Variants in GPR101 observed in about 807,000 individuals in gnomAD.
The protein encoded by GPR101 is probable G protein-coupled receptor 101.
Under a neutral mutation model 16.4 loss-of-function variants are expected in GPR101, and 8 were observed. That is an observed-to-expected ratio of 0.49 (90% CI 0.29 to 0.88). The LOEUF (loss-of-function observed/expected upper bound fraction) is 0.88. Ranked by LOEUF, GPR101 falls within the 40% of genes least tolerant of loss-of-function variation. The pLI is 0.09. For synonymous variants in GPR101, 155 were observed against 168.7 expected (o/e 0.92, Z 0.63); for missense variants, 375 against 411.7 (o/e 0.91, Z 0.77).
rs755970525 is a variant in GPR101 at position 137,030,689 on chromosome X, T to G, written c.986A>C (p.Glu329Ala). 1 of 1,211,527 alleles carries G rather than the reference T, an allele frequency of 8.3e-7. No individual in the cohort carries two copies. The highest frequency in any genetic ancestry group is 1.7e-5 in the African/African-American group (1 of 57,743). ...ACCCTTGTCTGCCTTCATGCTGTTC[T>G]CCTCAACTTTGGTGCTGCCTTCCTT... ...EGKEGSTKVE[E>A]NSMKADKGRT... Residue 329 changes from glutamate to alanine, a missense_variant, in exon 2 of 2, where the codon GAG becomes GCG. Glu to Ala is a moderately radical substitution (Grantham distance 107). Transcript: ENST00000651716.
rs1927260650 is a variant in GPR101 at position 137,031,324 on chromosome X, G to C, written c.351C>G (p.Ala117=). Reference sequence around the variant, plus strand: ...ACACCACGACAATGGTGTTGACGCTGGCGAAGGCGAACAGGTGGGTGAGGC... The same window carrying C: ...ACACCACGACAATGGTGTTGACGCTCGCGAAGGCGAACAGGTGGGTGAGGC... ...LVSLTHLFAF[A]SVNTIVVVSV... Residue 117 remains alanine, a synonymous_variant, in exon 2 of 2, where the codon GCC becomes GCG. Coordinates refer to ENST00000651716, the MANE Select transcript of GPR101 (RefSeq NM_054021.2). The C allele has an allele frequency of 1.7e-6, 2 of 1,203,374 alleles. No individual in the cohort carries two copies. The highest frequency in any genetic ancestry group is 3.5e-5 in the African/African-American group (2 of 57,200).
Position 137,029,141 on chromosome X carries a change from T to C in GPR101, c.*1007A>G, listed in dbSNP as rs1927210471. 8.9e-6 allele frequency among the ~76,000 whole-genome samples: 1 copy of C among 112,356 alleles called. No individual in the cohort carries two copies. The highest frequency in any genetic ancestry group is 3.7e-4 in the South Asian group (1 of 2,706). ...AACAAATTATTCCTCAGTGACATCA[T>C]GAATTTTGTAGGACTTAGGCCACTT... On this transcript the variant is annotated 3_prime_UTR_variant, in exon 2 of 2. Coordinates refer to ENST00000651716, the MANE Select transcript of GPR101 (RefSeq NM_054021.2).
Position 137,027,847 on chromosome X carries a change from TAAAAC to T in GPR101, c.*2296_*2300del, listed in dbSNP as rs1927191014. On this transcript the variant is annotated 3_prime_UTR_variant, in exon 2 of 2. Transcript: ENST00000651716. The stretch of plus-strand genomic sequence containing the variant: ...CTTTGAAGGGGGTGAGCTTTAAAAA[TAAAAC>T]AAGAAGTTCAGTTTTAACACAATGT... Among the ~76,000 whole-genome samples the T allele has an allele frequency of 8.9e-6, 1 of 112,583 alleles. No homozygotes were observed. The highest frequency in any genetic ancestry group is 3.2e-5 in the African/African-American group (1 of 30,951).
chrX:137,027,294 G>A lies in GPR101; in HGVS notation c.*2854C>T, dbSNP rs1348707545. ...TTGTCTGGCCCCTGTACTTTAATGG[G>A]ATTTTTTTTTTTTTTTTTACTGCAC... On this transcript the variant is annotated 3_prime_UTR_variant, in exon 2 of 2. Transcript: ENST00000651716. Among the ~76,000 whole-genome samples the A allele has an allele frequency of 2.4e-5, 2 of 81,997 alleles. No individual in the cohort carries two copies. The highest frequency in any genetic ancestry group is 4.8e-4 in the East Asian group (1 of 2,095). The allele number at this position is 81,997 out of a possible 115,157, so 71.2% of individuals were successfully genotyped here.
intron 1 of GPR101, among the ~76,000 whole-genome samples, chrX:137,032,635 G>A (rs1490035410): frequency 2.7e-5 from 3 of 110,305 alleles, no homozygotes; most frequent in Non-Finnish European, 3.8e-5. Context: ...TTGTTTCTGC[G>A]TCTCCCTCGG....
chrX:137,031,584 C>T lies in GPR101; in HGVS notation c.91G>A (p.Gly31Ser), dbSNP rs138068185. 6.1e-4 allele frequency: 739 copies of T among 1,209,507 alleles called. 6 individuals carry two copies. The highest frequency in any genetic ancestry group is 3.0e-3 in the Middle Eastern group (13 of 4,342). The change falls in exon 2 of 2, where the codon GGC becomes AGC. Residue 31 changes from glycine to serine, a missense_variant. Transcript: ENST00000651716. ...LSKMPISLAHGIIRSTVLVIF... is the reference protein window; with the variant it reads ...LSKMPISLAHSIIRSTVLVIF... ...ACCAGCACGGTTGAGCGGATGATGC[C>T]GTGGGCCAGGCTGATGGGCATTTTG...
At chrX:137,032,319 C>T (rs1927284067) in intron 1 of GPR101, among the ~76,000 whole-genome samples, 1 of 111,320 alleles carries the variant, frequency 9.0e-6, no homozygotes, top group South Asian at 3.9e-4. Flanking sequence ...CACTCAGTCT[C>T]TCTGTGTGTG....
chrX:137,033,879 T>C lies in GPR101; in HGVS notation c.-170A>G, dbSNP rs1927320360. On this transcript the variant is annotated 5_prime_UTR_variant, in exon 1 of 2. Transcript: ENST00000651716. ...GCTCCTCGCGCTCGTCCCGGCCGCCTCTCGGGGCTCGGGCGGCTGCGAGCT... is the reference window on the plus strand; with the variant it reads ...GCTCCTCGCGCTCGTCCCGGCCGCCCCTCGGGGCTCGGGCGGCTGCGAGCT... Among the ~76,000 whole-genome samples, 1 of 111,764 alleles carries C rather than the reference T, an allele frequency of 8.9e-6. No homozygotes were observed. Among genetic ancestry groups the C allele is most frequent in the African/African-American group, 3.2e-5 (1 of 30,893 alleles).
At position 137,033,326 on chromosome X, in the gene GPR101, G is replaced by A. The variant is rs1439986444; in HGVS notation, c.-93+476C>T. ...GTGGAGAGAGTCAGAAAGGCAGGGCGAGAGAGACTGAGAGGCAGAGAGACA... is the reference window on the plus strand; with the variant it reads ...GTGGAGAGAGTCAGAAAGGCAGGGCAAGAGAGACTGAGAGGCAGAGAGACA... On this transcript the variant is annotated intron_variant, in intron 1 of 1. Transcript: ENST00000651716. Among the ~76,000 whole-genome samples the A allele has an allele frequency of 3.7e-5, 4 of 108,603 alleles. No individual in the cohort carries two copies. The East Asian group carries it at 1.2e-3, about 31-fold the overall frequency. The allele number at this position is 108,603 out of a possible 115,157, so 94.3% of individuals were successfully genotyped here.
At position 137,030,966 on chromosome X, in the gene GPR101, G is replaced by T. The variant is rs752442726; in HGVS notation, c.709C>A (p.Arg237=). 5.8e-6 allele frequency: 7 copies of T among 1,211,486 alleles called. No individual in the cohort carries two copies. The Admixed American group carries it at 1.5e-4, about 26-fold the overall frequency. Residue 237 remains arginine, a synonymous_variant, in exon 2 of 2, where the codon CGA becomes AGA. Transcript: ENST00000651716. ...YNVKRHSLEV[R]VKDCVENEDE... is the part of the protein sequence containing the mutation. The stretch of plus-strand genomic sequence containing the variant: ...TCATTCTCCACACAGTCCTTGACTC[G>T]CACTTCCAAGCTGTGTCTCTTGACA...
In GPR101 at chrX:137,030,236, T is replaced by G; in HGVS notation, c.1439A>C (p.Lys480Thr). 2.5e-6 allele frequency: 3 copies of G among 1,210,860 alleles called. No individual in the cohort carries two copies. Among genetic ancestry groups the G allele is most frequent in the Non-Finnish European group, 3.4e-6 (3 of 895,109 alleles). Residue 480 changes from lysine (K) to threonine (T), a missense_variant, in exon 2 of 2, where the codon AAA (lysine) becomes ACA (threonine). Coordinates refer to ENST00000651716, the MANE Select transcript of GPR101 (RefSeq NM_054021.2). ...GGGCAGGTCTGGGTGGCTATCTTCTTTCGGGGGCTTTTCCTTGCAGAAGAA... is the reference window on the plus strand; with the variant it reads ...GGGCAGGTCTGGGTGGCTATCTTCTGTCGGGGGCTTTTCCTTGCAGAAGAA... The part of the protein sequence containing the change: ...KKFFCKEKPP[K>T]EDSHPDLPGT...
Position 137,028,147 on chromosome X carries a change from G to C in GPR101, c.*2001C>G, listed in dbSNP as rs753682860. Among the ~76,000 whole-genome samples, 13 of 112,380 alleles carry C rather than the reference G, an allele frequency of 1.2e-4. 1 individual carries two copies. The Admixed American group carries it at 1.2e-3, about 11-fold the overall frequency. On this transcript the variant is annotated 3_prime_UTR_variant, in exon 2 of 2. Transcript: ENST00000651716. ...CATTTTGGTAGAAAAATAAATGATA[G>C]TGTAAGGGTAAACTTTAGCCCCCAT...
Position 137,025,622 on chromosome X carries a change from G to GT in GPR101, c.*4525dup, listed in dbSNP as rs1927159707. Among the ~76,000 whole-genome samples, 1 of 112,297 alleles carries GT rather than the reference G, an allele frequency of 8.9e-6. No individual in the cohort carries two copies. Among genetic ancestry groups the GT allele is most frequent in the Non-Finnish European group, 1.9e-5 (1 of 53,316 alleles). On this transcript the variant is annotated 3_prime_UTR_variant, in exon 2 of 2. Coordinates refer to ENST00000651716, the MANE Select transcript of GPR101 (RefSeq NM_054021.2). ...CCTGCTGAGTGTCTAAGTCACTGTG[G>GT]TTTTCCCTTGGTGTGTGTACTCTGA...
At position 137,030,010 on chromosome X, in the gene GPR101, G is replaced by A; in HGVS notation, c.*138C>T. 1 of 476,791 alleles carries A rather than the reference G, an allele frequency of 2.1e-6. No individual in the cohort carries two copies. The highest frequency in any genetic ancestry group is 4.8e-5 in the South Asian group (1 of 20,959). 39.3% of individuals were successfully genotyped at this position (476,791 alleles called of 1,213,427 possible). A position where few individuals can be genotyped will look rare whatever the true frequency, so the allele number is the denominator to read the frequency against. On this transcript the variant is annotated 3_prime_UTR_variant, in exon 2 of 2. Coordinates refer to ENST00000651716, the MANE Select transcript of GPR101 (RefSeq NM_054021.2). ...CCTCTTCTATATATTTATCTACCTT[G>A]TGGTGAAGAGCATGTGTGTGCAACA...
In GPR101 at chrX:137,027,397, G is replaced by T. The variant is rs756235001; in HGVS notation, c.*2751C>A. Reference sequence around the variant, plus strand: ...GCTATTGCACATGAGGATCTGTGAGGCTAATGATGACTTTTTTTGTGTGCT... The same window carrying T: ...GCTATTGCACATGAGGATCTGTGAGTCTAATGATGACTTTTTTTGTGTGCT... On this transcript the variant is annotated 3_prime_UTR_variant, in exon 2 of 2. Coordinates refer to ENST00000651716, the MANE Select transcript of GPR101 (RefSeq NM_054021.2). Among the ~76,000 whole-genome samples the T allele has an allele frequency of 1.0e-4, 11 of 108,741 alleles. No individual in the cohort carries two copies. Among genetic ancestry groups the T allele is most frequent in the Non-Finnish European group, 1.9e-4 (10 of 52,536 alleles). The allele number at this position is 108,741 out of a possible 115,157, so 94.4% of individuals were successfully genotyped here.
In GPR101 at chrX:137,031,498, C is replaced by CT; in HGVS notation, c.176dup (p.Pro60AlafsTer13). ...GGTTGGTCACCTGCAGCAGCTGCGG[C>CT]TTGCGCTGCAACACTAGCGCCAGCA... is the stretch of plus-strand genomic sequence containing the variant. On this transcript the variant is annotated frameshift_variant, in exon 2 of 2. Transcript: ENST00000651716. LOFTEE classifies it high-confidence loss of function. 8.3e-7 allele frequency: 1 copy of CT among 1,205,926 alleles called. No homozygotes were observed. The highest frequency in any genetic ancestry group is 1.1e-6 in the Non-Finnish European group (1 of 892,789).
chrX:137,029,407 A>G lies in GPR101; in HGVS notation c.*741T>C, dbSNP rs931420924. ...ATTTACACTTAATGACCTCAGTTCC[A>G]GCCCATGCATAAACCCAAGATTTTA... On this transcript the variant is annotated 3_prime_UTR_variant, in exon 2 of 2. Transcript: ENST00000651716. 2.7e-5 allele frequency among the ~76,000 whole-genome samples: 3 copies of G among 112,293 alleles called. No individual in the cohort carries two copies. Among genetic ancestry groups the G allele is most frequent in the Non-Finnish European group, 5.6e-5 (3 of 53,296 alleles).
At chrX:137,033,177 C>G (rs1245746162) in intron 1 of GPR101, among the ~76,000 whole-genome samples, 1 of 110,472 alleles carries the variant, frequency 9.1e-6, no homozygotes, top group East Asian at 2.9e-4. Flanking sequence ...CCCTCCACAG[C>G]CCCATCCCCA....
rs1927153005 is a variant in GPR101, at chrX:137,025,220, C to T, written c.*4928G>A. ...AAAATAAATTTAAAAAACAAATGTA[C>T]CATGTTCTACATCAGAAACTGACTA... is the stretch of plus-strand genomic sequence containing the variant. On this transcript the variant is annotated 3_prime_UTR_variant, in exon 2 of 2. Transcript: ENST00000651716. Among the ~76,000 whole-genome samples the T allele has an allele frequency of 8.9e-6, 1 of 112,284 alleles. No individual in the cohort carries two copies. The highest frequency in any genetic ancestry group is 3.2e-5 in the African/African-American group (1 of 30,834).
Sources: allele counts gnomAD v4.1 joint callset (sites outside exome capture counted in the v4.1 genomes callset), GRCh38; gene constraint gnomAD v4.1.1; transcripts MANE v1.5; gene names NCBI Gene and HGNC (gene_info 2026-07-23, HGNC 2026-07-21).